Variants in BAZ2A observed in about 807,000 individuals in gnomAD.
BAZ2A encodes the protein bromodomain adjacent to zinc finger domain protein 2A.
A neutral mutation model predicts 199.9 loss-of-function variants in BAZ2A; 34 were observed. The observed-to-expected ratio is 0.17, with a 90% CI of 0.13 to 0.23. The LOEUF (loss-of-function observed/expected upper bound fraction) is 0.23, where lower values mean the gene tolerates loss of function less well. Ranked by LOEUF, BAZ2A falls within the 10% of genes least tolerant of loss-of-function variation. The probability of loss-of-function intolerance (pLI) is 1.00; values close to 1 mark genes in which losing one functional copy is unlikely to be tolerated. For missense variants in BAZ2A, 2,002 were observed against 2,391.1 expected, an observed-to-expected ratio of 0.84 and a Z score of 3.39; for synonymous variants, 857 against 883.9, an observed-to-expected ratio of 0.97 and a Z score of 0.54.
Position 56,603,547 on chromosome 12 carries a change from A to G in BAZ2A, c.3192T>C (p.Pro1064=), listed in dbSNP as rs778503550. ...CTCCATCTCTTCGACCCCTGCGGCC[A>G]GGGACAGCTGCTATAGACTCCTCTT... The part of the protein sequence containing the change: ...EEEEESIAAV[P]GRRGRRDGEV... The change falls in exon 17 of 29, where the codon CCT becomes CCC. Residue 1064 remains proline (P), a synonymous_variant. Transcript: ENST00000549884. 6.2e-7 allele frequency: 1 copy of G among 1,614,016 alleles called. No homozygotes were observed. Among genetic ancestry groups the G allele is most frequent in the East Asian group, 2.2e-5 (1 of 44,882 alleles).
intron 1 of BAZ2A, among the ~76,000 whole-genome samples, chr12:56,623,063 T>C (rs551519682): frequency 6.6e-6 from 1 of 152,032 alleles, no homozygotes; most frequent in African/African-American, 2.4e-5. Flanking sequence ...GGTGAAACCC[T>C]GTCTCTACTA....
In BAZ2A at chr12:56,601,280, C is replaced by A; in HGVS notation, c.4194G>T (p.Gly1398=). 1 of 1,614,034 alleles carries A rather than the reference C, an allele frequency of 6.2e-7. No individual in the cohort carries two copies. Among genetic ancestry groups the A allele is most frequent in the Non-Finnish European group, 8.5e-7 (1 of 1,179,898 alleles). The stretch of plus-strand genomic sequence containing the variant: ...TCCCTCTCCGTTTGGGCTGTCCCAG[C>A]CCTGTGGGACTCTGTGGCATTTCTC... ...DPGEMPQSPT[G]LGQPKRRGRP... is the part of the protein sequence containing the mutation. The change falls in exon 21 of 29, where the codon GGG becomes GGT. Residue 1398 remains glycine (G), a synonymous_variant. Transcript: ENST00000549884.
At chr12:56,625,769 G>A (rs896056903) in intron 1 of BAZ2A, among the ~76,000 whole-genome samples, 15 of 150,968 alleles carry the variant, frequency 9.9e-5, no homozygotes, top group African/African-American at 3.4e-4. Flanking sequence ...CCAGCTACAC[G>A]GGAGGCTGAG....
At chr12:56,622,479 T>C (rs1264549519) in intron 1 of BAZ2A, among the ~76,000 whole-genome samples, 1 of 152,270 alleles carries the variant, frequency 6.6e-6, no homozygotes, top group East Asian at 1.9e-4. Context: ...GAATTAATTA[T>C]GTCACAGTAT....
At chr12:56,615,630 G>A (rs766232350) in intron 2 of BAZ2A, 23 bp from the exon 3 acceptor site, 2 of 1,529,056 alleles carry the variant, frequency 1.3e-6, no homozygotes, top group Non-Finnish European at 1.8e-6. Context: ...GAAAGAAAAG[G>A]TCAGTTACAG....
intron 1 of BAZ2A, among the ~76,000 whole-genome samples, chr12:56,622,839 T>C (rs1266395045): frequency 2.0e-5 from 3 of 152,214 alleles, no homozygotes; most frequent in Non-Finnish European, 2.9e-5. Flanking sequence ...CATTGCCCTA[T>C]AAGCTTGAAG....
chr12:56,599,588 C>T lies in BAZ2A; in HGVS notation c.5172+114G>A, dbSNP rs1886216798. ...TTTAAGTGACTTGTCCAAAAAAGGA[C>T]TTAGAACCCAGGTCCCCTAATACCC... On this transcript the variant is annotated intron_variant, in intron 26 of 28. Coordinates refer to ENST00000549884, the MANE Select transcript of BAZ2A (RefSeq NM_001300905.2). 23 of 1,472,376 alleles carry T rather than the reference C, an allele frequency of 1.6e-5. No homozygotes were observed. The South Asian group carries it at 3.1e-4, about 20-fold the overall frequency. The allele number at this position is 1,472,376 out of a possible 1,614,324, so 91.2% of individuals were successfully genotyped here. A position where few individuals can be genotyped will look rare whatever the true frequency, so the allele number is the denominator to read the frequency against.
In BAZ2A at chr12:56,600,070, C is replaced by A; in HGVS notation, c.4919G>T (p.Arg1640Leu). The change falls in exon 25 of 29, where the codon CGT (arginine) becomes CTT (leucine). Residue 1640 changes from arginine (R) to leucine (L), a missense_variant. By Grantham distance (102) the Arg-to-Leu change is moderately radical. Around this residue, in one of 6 missense-constraint regions of BAZ2A, gnomAD observed 1,081 missense variants for 1,274.7 expected, o/e 0.85. Transcript: ENST00000549884. The stretch of plus-strand genomic sequence containing the variant: ...CCGCTCGAGGGTCTGGCGCCAGACA[C>A]GAATGCGAGGGGTGATCTCATATGA... ...EISYEITPRI[R>L]VWRQTLERCR... is the part of the protein sequence containing the mutation. The A allele has an allele frequency of 6.2e-7, 1 of 1,613,996 alleles. No homozygotes were observed. Among genetic ancestry groups the A allele is most frequent in the Non-Finnish European group, 8.5e-7 (1 of 1,179,886 alleles).
At chr12:56,619,523 A>AG (rs1285549123) in intron 1 of BAZ2A, among the ~76,000 whole-genome samples, 4 of 151,402 alleles carry the variant, frequency 2.6e-5, no homozygotes, top group Non-Finnish European at 4.4e-5. Flanking sequence ...AAAAAAAAAA[A>AG]AAAGAAAAGA....
At position 56,630,304 on chromosome 12, in the gene BAZ2A, A is replaced by G. The variant is rs1951269393; in HGVS notation, c.-182T>C. ...TCAACCGCGGGGCCCGAGAGGAGCC[A>G]ACATGGCCGGCGGGGGAGGAGTGAG... On this transcript the variant is annotated 5_prime_UTR_variant, in exon 1 of 29. Coordinates refer to ENST00000549884, the MANE Select transcript of BAZ2A (RefSeq NM_001300905.2). 1 of 984,446 alleles carries G rather than the reference A, an allele frequency of 1.0e-6. No homozygotes were observed. Among genetic ancestry groups the G allele is most frequent in the Admixed American group, 6.1e-5 (1 of 16,284 alleles). 61.0% of individuals were successfully genotyped at this position (984,446 alleles called of 1,614,324 possible).
intron 10 of BAZ2A, among the ~76,000 whole-genome samples, chr12:56,609,337 A>G (rs1592581966): frequency 6.6e-6 from 1 of 152,056 alleles, no homozygotes; most frequent in Non-Finnish European, 1.5e-5. Context: ...ACACACCACC[A>G]TGCCTGGCTC....
At chr12:56,629,199 G>A (rs1951208601) in intron 1 of BAZ2A, among the ~76,000 whole-genome samples, 1 of 152,172 alleles carries the variant, frequency 6.6e-6, no homozygotes, top group Admixed American at 6.5e-5. Flanking sequence ...CTTCCTGCGG[G>A]AGGCTGGGGG....
intron 13 of BAZ2A, chr12:56,605,546 C>T (rs756339487): frequency 7.5e-5 from 47 of 622,548 alleles, no homozygotes; most frequent in Admixed American, 1.3e-4. Context: ...CTCAGTCTCT[C>T]AAATAGCTGG....
rs747067401 is a variant in BAZ2A at position 56,617,551 on chromosome 12, A to G, written c.-2-19T>C. 2.3e-5 allele frequency: 37 copies of G among 1,595,738 alleles called. No individual in the cohort carries two copies. The highest frequency in any genetic ancestry group is 1.7e-4 in the Middle Eastern group (1 of 6,012). On this transcript the variant is annotated intron_variant, in intron 1 of 28. Coordinates refer to ENST00000549884, the MANE Select transcript of BAZ2A (RefSeq NM_001300905.2). ...TCCATTTCTGCAGGAGGGGAGAGAG[A>G]GGGAAAAAAAATACTGGCGGTTAAA...
intron 5 of BAZ2A, 29 bp from the exon 6 acceptor site, chr12:56,612,275 T>TA (rs749609490): frequency 0.025 from 29,082 of 1,184,894 alleles, 1 homozygote; most frequent in Non-Finnish European, 0.028. Flanking sequence ...GGATAGGCTT[T>TA]AAAAAAAAAA....
At chr12:56,622,081 G>A (rs1565833014) in intron 1 of BAZ2A, among the ~76,000 whole-genome samples, 2 of 151,112 alleles carry the variant, frequency 1.3e-5, no homozygotes, top group Non-Finnish European at 2.9e-5. Flanking sequence ...GTTCACGCCT[G>A]TAATCCCAGC....
chr12:56,629,360 G>C (rs1221422866), intron 1 of BAZ2A, among the ~76,000 whole-genome samples: 2 of 152,198 alleles, frequency 1.3e-5, no homozygotes, highest in Non-Finnish European at 2.9e-5. Context: ...GAAAGAAAGG[G>C]ATGATGCGGT....
Position 56,612,072 on chromosome 12 carries a change from A to T in BAZ2A, c.1310T>A (p.Leu437Gln). The change falls in exon 6 of 29, where the codon CTA becomes CAA. Residue 437 changes from leucine (L) to glutamine (Q), a missense_variant. By Grantham distance (113) the Leu-to-Gln change is moderately radical. This residue lies in a region of BAZ2A where 641 missense variants were observed against 694.5 expected (regional missense o/e 0.92). Coordinates refer to ENST00000549884, the MANE Select transcript of BAZ2A (RefSeq NM_001300905.2). ...TGGGGAGGCTGCTGGAGAAACCACT[A>T]GGGAGACTGCTGGGGAGGTTGTTGG... ...VSPTTSPAVS[L>Q]VVSPAASPEI... 6.2e-7 allele frequency: 1 copy of T among 1,613,626 alleles called. No homozygotes were observed. The highest frequency in any genetic ancestry group is 8.5e-7 in the Non-Finnish European group (1 of 1,179,814).
chr12:56,621,644 C>T (rs1361697343), intron 1 of BAZ2A, among the ~76,000 whole-genome samples: 1 of 151,838 alleles, frequency 6.6e-6, no homozygotes, highest in Non-Finnish European at 1.5e-5. Flanking sequence ...AAATTAGAGC[C>T]CCAGCACAGT....
Sources: gnomAD v4.1 joint callset for allele counts (sites outside exome capture counted in the v4.1 genomes callset) on GRCh38, gnomAD v4.1.1 for gene constraint, gnomAD v4.1.1 regional missense constraint, MANE v1.5 for transcripts, NCBI Gene and HGNC (gene_info 2026-07-23, HGNC 2026-07-21) for gene names.